The following KLHL26 variants were observed in gnomAD, a reference collection of about 807,000 sequenced individuals.
KLHL26 encodes the protein kelch like family member 26.
Under a neutral mutation model 7.1 loss-of-function variants are expected in KLHL26, and 4 were observed. The observed-to-expected ratio is 0.56, with a 90% CI of 0.28 to 1.28. The LOEUF (loss-of-function observed/expected upper bound fraction) is 1.28. Ranked by LOEUF, KLHL26 falls within the 50% of genes most tolerant of loss-of-function variation. The pLI, the probability that KLHL26 is intolerant of heterozygous loss-of-function variation, is 0.11. For synonymous variants in KLHL26, 465 were observed against 414.1 expected (o/e 1.12, Z -1.49); for missense variants, 896 against 924.6 (o/e 0.97, Z 0.40).
chr19:18,657,172 TCTGGATCTCTGTCTCCCTGTCC>T (rs1428128165), intron 1 of KLHL26, among the ~76,000 whole-genome samples: 6 of 150,512 alleles, frequency 4.0e-5, no homozygotes, highest in African/African-American at 1.2e-4. Context: ...TCCCTCTGTC[TCTGGATCTCTGTCTCCCTGTCC>T]CTGGATCTCT....
chr19:18,668,025 GTCT>G lies in KLHL26; in HGVS notation c.634_636del (p.Phe212del). 5 of 1,609,056 alleles carry G rather than the reference GTCT, an allele frequency of 3.1e-6. No homozygotes were observed. Among genetic ancestry groups the G allele is most frequent in the African/African-American group, 1.3e-5 (1 of 75,058 alleles). ...CCTGCGCCTGCCACTGGAGCGCCTG[GTCT>G]TCTTCCTGCAGAGCAACCGGCTGCA... On this transcript the variant is annotated inframe_deletion, in exon 3 of 3. Coordinates refer to ENST00000300976, the MANE Select transcript of KLHL26 (RefSeq NM_018316.3).
intron 1 of KLHL26, among the ~76,000 whole-genome samples, chr19:18,655,266 T>G (rs1432518582): frequency 6.6e-6 from 1 of 152,222 alleles, no homozygotes; most frequent in East Asian, 1.9e-4. Context: ...TTGCTCTTCC[T>G]GCTGTTCAGC....
At chr19:18,643,447 A>AAT (rs1205003969) in intron 1 of KLHL26, among the ~76,000 whole-genome samples, 1 of 151,476 alleles carries the variant, frequency 6.6e-6, no homozygotes, top group Non-Finnish European at 1.5e-5. Flanking sequence ...TGTCTTAAAA[A>AAT]ATATATATAT....
At chr19:18,643,923 T>C (rs913680768) in intron 1 of KLHL26, among the ~76,000 whole-genome samples, 1 of 152,212 alleles carries the variant, frequency 6.6e-6, no homozygotes, top group East Asian at 1.9e-4. Flanking sequence ...TTTGAGGTAC[T>C]ATATATGTAA....
intron 1 of KLHL26, among the ~76,000 whole-genome samples, chr19:18,659,253 T>C (rs1175389147): frequency 6.6e-6 from 1 of 152,202 alleles, no homozygotes; most frequent in Non-Finnish European, 1.5e-5. Context: ...TTGGTCCAGT[T>C]GCCAGCCTGG....
At chr19:18,664,035 A>G (rs914935813) in intron 1 of KLHL26, among the ~76,000 whole-genome samples, 4 of 152,084 alleles carry the variant, frequency 2.6e-5, no homozygotes, top group Non-Finnish European at 5.9e-5. Context: ...CTCCAAAAGG[A>G]GACCCCACCC....
chr19:18,641,632 CTTT>C (rs11365552), intron 1 of KLHL26, among the ~76,000 whole-genome samples: 9 of 129,952 alleles, frequency 6.9e-5, no homozygotes, highest in African/African-American at 8.8e-5. Context: ...TTTCTTTTTT[CTTT>C]TTTTTTTTTT....
chr19:18,668,118 CG>C lies in KLHL26; in HGVS notation c.723del (p.Pro242ArgfsTer108). ...CTGGCTGCAGCATGACCCGGCCCGG[CG>C]GCCGCGCGCCAGCCACGTGCTCTGC... The part of the protein sequence containing the change: ...VRWLQHDPAR[R>X]PRASHVLCHI... On this transcript the variant is annotated frameshift_variant, in exon 3 of 3. Coordinates refer to ENST00000300976, the MANE Select transcript of KLHL26 (RefSeq NM_018316.3). LOFTEE classifies it low-confidence loss of function (END_TRUNC). 2 of 1,599,594 alleles carry C rather than the reference CG, an allele frequency of 1.3e-6. No individual in the cohort carries two copies. The highest frequency in any genetic ancestry group is 2.2e-5 in the South Asian group (2 of 90,884).
intron 1 of KLHL26, among the ~76,000 whole-genome samples, chr19:18,660,142 A>C (rs1442782710): frequency 6.6e-6 from 1 of 152,172 alleles, no homozygotes; most frequent in Non-Finnish European, 1.5e-5. Context: ...GCCCTAGCAC[A>C]TCCCTGCACT....
intron 1 of KLHL26, among the ~76,000 whole-genome samples, chr19:18,663,717 C>A (rs916779487): frequency 6.7e-6 from 1 of 149,342 alleles, no homozygotes; most frequent in East Asian, 2.0e-4. Context: ...GCTATTAATT[C>A]ATTGATCCGT....
intron 1 of KLHL26, among the ~76,000 whole-genome samples, chr19:18,658,263 G>A (rs1228302994): frequency 6.6e-6 from 1 of 152,106 alleles, no homozygotes; most frequent in Non-Finnish European, 1.5e-5. Flanking sequence ...GGTGGGAAGG[G>A]TCATGAGAGA....
At chr19:18,647,584 GGAGGAGGAGGAA>G (rs1398197318) in intron 1 of KLHL26, among the ~76,000 whole-genome samples, 1 of 151,044 alleles carries the variant, frequency 6.6e-6, no homozygotes, top group Non-Finnish European at 1.5e-5. Context: ...GAGATGAGAG[GGAGGAGGAGGAA>G]GAGGAGGAGG....
intron 1 of KLHL26, among the ~76,000 whole-genome samples, chr19:18,655,402 G>A (rs913211339): frequency 6.6e-6 from 1 of 152,208 alleles, no homozygotes; most frequent in African/African-American, 2.4e-5. Flanking sequence ...GGGAGAGGTC[G>A]ACCAGCACCC....
chr19:18,648,158 CAGG>C lies in KLHL26; in HGVS notation c.83+11024_83+11026del, dbSNP rs1976838458. Among the ~76,000 whole-genome samples, 3 of 152,156 alleles carry C rather than the reference CAGG, an allele frequency of 2.0e-5. No homozygotes were observed. In the South Asian group the frequency reaches 6.2e-4, roughly 32 times the overall value. On this transcript the variant is annotated intron_variant, in intron 1 of 2. Coordinates refer to ENST00000300976, the MANE Select transcript of KLHL26 (RefSeq NM_018316.3). This position sits in a 1 kb window ranked among gnomAD's most constrained non-coding sequence, Gnocchi z 4.9. ...CCAAGGCGGGTAGATCACTTGAGGT[CAGG>C]AGTTCGAGACCAGCCTGGGCAACAT...
rs1054050966 is a variant in KLHL26, at chr19:18,668,916, G to A, written c.1519G>A (p.Gly507Ser). Residue 507 changes from glycine to serine, a missense_variant, in exon 3 of 3, where the codon GGC becomes AGC. Physicochemically the swap from Gly to Ser is moderately conservative, Grantham distance 56 (BLOSUM62 0). Transcript: ENST00000300976. ...CGTGCTACACGCCATGGTGGGTGCC[G>A]GCGGCCGCATCTATGCCCTCGGGGG... ...PRVLHAMVGA[G>S]GRIYALGGRM... 2 of 1,605,966 alleles carry A rather than the reference G, an allele frequency of 1.2e-6. No homozygotes were observed. Among genetic ancestry groups the A allele is most frequent in the Non-Finnish European group, 1.7e-6 (2 of 1,179,644 alleles).
In KLHL26 at chr19:18,638,724, G is replaced by A. The variant is rs1976661341; in HGVS notation, c.83+1587G>A. Among the ~76,000 whole-genome samples the A allele has an allele frequency of 2.6e-5, 4 of 152,090 alleles. No individual in the cohort carries two copies. In the South Asian group the frequency reaches 8.3e-4, roughly 32 times the overall value. On this transcript the variant is annotated intron_variant, in intron 1 of 2. Transcript: ENST00000300976. Reference sequence around the variant, plus strand: ...TTTTATTTTTTTGAAACCCCGTCTCGCTCTGTCACCCAGGTATCTAGGCTG... The same window carrying A: ...TTTTATTTTTTTGAAACCCCGTCTCACTCTGTCACCCAGGTATCTAGGCTG...
chr19:18,669,052 C>G lies in KLHL26; in HGVS notation c.1655C>G (p.Ala552Gly). ...CCCATGCGGGCCGGCCAGTCAGAGG[C>G]CGGCTGCTGCCTGCTGGAGAGGAAG... ...VSPMRAGQSE[A>G]GCCLLERKIY... Residue 552 changes from alanine (A) to glycine (G), a missense_variant, in exon 3 of 3, where the codon GCC becomes GGC. Transcript: ENST00000300976. 6.2e-7 allele frequency: 1 copy of G among 1,612,744 alleles called. No individual in the cohort carries two copies. Among genetic ancestry groups the G allele is most frequent in the Non-Finnish European group, 8.5e-7 (1 of 1,179,896 alleles).
Position 18,649,998 on chromosome 19 carries a change from G to A in KLHL26, c.83+12861G>A, listed in dbSNP as rs1976875725. Reference sequence around the variant, plus strand: ...TCTGGGAGGAAGTAACCAGCACCTTGGGGGAATCACAGACCTTTCCTGCGA... The same window carrying A: ...TCTGGGAGGAAGTAACCAGCACCTTAGGGGAATCACAGACCTTTCCTGCGA... On this transcript the variant is annotated intron_variant, in intron 1 of 2. Transcript: ENST00000300976. This position sits in a 1 kb window ranked among gnomAD's most constrained non-coding sequence, Gnocchi z 4.0. Among the ~76,000 whole-genome samples the A allele has an allele frequency of 6.6e-6, 1 of 152,228 alleles. No homozygotes were observed. The highest frequency in any genetic ancestry group is 6.5e-5 in the Admixed American group (1 of 15,288).
intron 1 of KLHL26, among the ~76,000 whole-genome samples, chr19:18,654,957 C>T (rs1287803768): frequency 2.0e-5 from 3 of 152,258 alleles, no homozygotes; most frequent in African/African-American, 7.2e-5. Context: ...CAGAACATTA[C>T]AGGAGACAGA....
Sources: allele counts gnomAD v4.1 joint callset (sites outside exome capture counted in the v4.1 genomes callset), GRCh38; gene constraint gnomAD v4.1.1; non-coding constraint Gnocchi (gnomAD v3.1); transcripts MANE v1.5; gene names NCBI Gene and HGNC (gene_info 2026-07-23, HGNC 2026-07-21).